The following ADGRL2 variants were observed in gnomAD, a reference collection of about 807,000 sequenced individuals.
ADGRL2 encodes the protein adhesion G protein-coupled receptor L2.
Under a neutral mutation model 157.4 loss-of-function variants are expected in ADGRL2, and 44 were observed. That is an observed-to-expected ratio of 0.28 (90% CI 0.22 to 0.36). ADGRL2 has a LOEUF of 0.36. Ranked by LOEUF, ADGRL2 falls within the 10% of genes least tolerant of loss-of-function variation. The pLI, the probability that ADGRL2 is intolerant of heterozygous loss-of-function variation, is 1.00. For missense variants in ADGRL2, 1,510 were observed against 1,768.9 expected (o/e 0.85, Z 2.63); for synonymous variants, 585 against 624.7 (o/e 0.94, Z 0.95).
At chr1:81,975,103 G>T (rs575881174) in intron 17 of ADGRL2, among the ~76,000 whole-genome samples, 1 of 151,572 alleles carries the variant, frequency 6.6e-6, no homozygotes, top group Non-Finnish European at 1.5e-5. Context: ...ACACACACAC[G>T]CCCAGAGCTA....
intron 2 of ADGRL2, among the ~76,000 whole-genome samples, chr1:81,486,719 CA>C (rs1363008705): frequency 6.6e-6 from 1 of 152,100 alleles, no homozygotes; most frequent in African/African-American, 2.4e-5. Context: ...ATTTGAACAG[CA>C]CATGAAAATG....
intron 1 of ADGRL2, chr1:81,721,766 G>A (rs1329371967): frequency 6.4e-6 from 9 of 1,395,608 alleles, no homozygotes; most frequent in African/African-American, 5.7e-5. Context: ...TCTGCACACC[G>A]AGGAAATGTG....
intron 3 of ADGRL2, among the ~76,000 whole-genome samples, chr1:81,587,471 G>A (rs1570577535): frequency 6.6e-6 from 1 of 152,154 alleles, no homozygotes; most frequent in Non-Finnish European, 1.5e-5. Context: ...AAATAATGTA[G>A]ATTGAAACCA....
chr1:81,524,282 C>T (rs541656985), intron 2 of ADGRL2, among the ~76,000 whole-genome samples: 7 of 152,086 alleles, frequency 4.6e-5, no homozygotes, highest in Admixed American at 1.3e-4. Flanking sequence ...AGGAGAATGG[C>T]GTAAACCTGG....
intron 1 of ADGRL2, among the ~76,000 whole-genome samples, chr1:81,350,489 T>C (rs1662803356): frequency 6.6e-6 from 1 of 152,168 alleles, no homozygotes; most frequent in Admixed American, 6.5e-5. Flanking sequence ...ATTGCTAAGA[T>C]TTGAATCTGA....
intron 3 of ADGRL2, among the ~76,000 whole-genome samples, chr1:81,662,746 G>C (rs369062862): frequency 6.6e-6 from 1 of 150,730 alleles, no homozygotes; most frequent in Non-Finnish European, 1.5e-5. Context: ...TAGTAGAGAC[G>C]GGGTTTCACC....
rs982805706 is a variant in ADGRL2, at chr1:81,462,188, C to G, written c.-248+17099C>G. ...CACACTCTGTAAGATGGACCAATCA[C>G]CACTCTGTAAAATGGACCAATCAGC... On this transcript the variant is annotated intron_variant, in intron 2 of 24. Transcript: ENST00000370721. Among the ~76,000 whole-genome samples the G allele has an allele frequency of 3.9e-5, 6 of 152,112 alleles. No individual in the cohort carries two copies. In the East Asian group the frequency reaches 1.2e-3, roughly 29 times the overall value.
chr1:81,711,564 AT>A (rs201074866), intron 1 of ADGRL2, among the ~76,000 whole-genome samples: 4 of 152,000 alleles, frequency 2.6e-5, no homozygotes, highest in Admixed American at 6.6e-5. Context: ...TAAAATTGGT[AT>A]TTTTTTGTTT....
intron 1 of ADGRL2, among the ~76,000 whole-genome samples, chr1:81,811,375 C>T (rs1163119466): frequency 2.6e-5 from 4 of 151,706 alleles, no homozygotes; most frequent in Non-Finnish European, 5.9e-5. Flanking sequence ...GATTTCCAGT[C>T]AGTATTTACA....
chr1:81,673,216 T>A lies in ADGRL2; in HGVS notation c.-142-88595T>A, dbSNP rs375613965. Among the ~76,000 whole-genome samples the A allele has an allele frequency of 7.2e-5, 11 of 152,320 alleles. No homozygotes were observed. The South Asian group carries it at 1.0e-3, about 14-fold the overall frequency. On this transcript the variant is annotated intron_variant, in intron 3 of 24. Transcript: ENST00000370721. The stretch of plus-strand genomic sequence containing the variant: ...CTTTTCATGAAATGTATCTGTTTTG[T>A]TTTTCAATGAGACAACAGACATACT...
chr1:81,989,786 G>A (rs1004640976), intron 23 of ADGRL2: 10 of 1,536,808 alleles, frequency 6.5e-6, no homozygotes, highest in East Asian at 2.3e-5. Context: ...TATGAGAGAT[G>A]GCTGTCTTTG....
At chr1:81,706,741 AG>A (rs973414862) in intron 1 of ADGRL2, among the ~76,000 whole-genome samples, 76 of 152,300 alleles carry the variant, frequency 5.0e-4, no homozygotes, top group African/African-American at 1.8e-3. Context: ...AAAGGAAGAA[AG>A]GGTGGAGAGT....
intron 3 of ADGRL2, among the ~76,000 whole-genome samples, chr1:81,676,369 T>C (rs1275940677): frequency 6.6e-6 from 1 of 152,078 alleles, no homozygotes; most frequent in Non-Finnish European, 1.5e-5. Context: ...TGCAGTGTTG[T>C]ACAATCACAG....
chr1:81,865,949 G>A (rs1438597972), intron 2 of ADGRL2, among the ~76,000 whole-genome samples: 1 of 152,082 alleles, frequency 6.6e-6, no homozygotes, highest in African/African-American at 2.4e-5. Flanking sequence ...ATAAAATAGG[G>A]ATCTTATTTT....
intron 2 of ADGRL2, among the ~76,000 whole-genome samples, chr1:81,501,003 T>A (rs78695665): frequency 0.021 from 3,189 of 152,230 alleles, 108 homozygotes; most frequent in African/African-American, 0.073. Flanking sequence ...GGGTCTCGAA[T>A]TGGATGGTAA....
At chr1:81,346,450 A>C (rs1249328753) in intron 1 of ADGRL2, among the ~76,000 whole-genome samples, 1 of 152,166 alleles carries the variant, frequency 6.6e-6, no homozygotes, top group Non-Finnish European at 1.5e-5. Flanking sequence ...AGAGGCTACT[A>C]TTAACTTGTG....
At chr1:81,690,313 C>T (rs983143104) in intron 3 of ADGRL2, among the ~76,000 whole-genome samples, 2 of 151,958 alleles carry the variant, frequency 1.3e-5, no homozygotes, top group African/African-American at 2.4e-5. Context: ...GCCAACATGG[C>T]GAAACCCCAT....
chr1:81,433,396 G>T (rs1256084297), intron 1 of ADGRL2, among the ~76,000 whole-genome samples: 3 of 152,158 alleles, frequency 2.0e-5, no homozygotes, highest in African/African-American at 7.2e-5. Flanking sequence ...GACACCTCAA[G>T]GTCCCTTTGA....
intron 2 of ADGRL2, among the ~76,000 whole-genome samples, chr1:81,549,294 G>A (rs1178714014): frequency 6.6e-6 from 1 of 152,102 alleles, no homozygotes; most frequent in South Asian, 2.1e-4. Flanking sequence ...TTGAAAATAT[G>A]GAAAAGAAAC....
Sources: allele counts gnomAD v4.1 joint callset (sites outside exome capture counted in the v4.1 genomes callset), GRCh38; gene constraint gnomAD v4.1.1; transcripts MANE v1.5; gene names NCBI Gene and HGNC (gene_info 2026-07-23, HGNC 2026-07-21).